Variants in RSU1 observed in about 807,000 individuals in gnomAD.
RSU1 encodes rsu-1.
RSU1 carries 26 observed loss-of-function variants against 31.1 expected under a neutral mutation model. The observed-to-expected ratio is 0.84, with a 90% CI of 0.61 to 1.16. RSU1 has a LOEUF of 1.16. Ranked by LOEUF, RSU1 falls within the 50% of genes most tolerant of loss-of-function variation. RSU1 has a pLI of 0.00. For synonymous variants in RSU1, 164 were observed against 136.3 expected (o/e 1.20, Z -1.41); for missense variants, 320 against 339.1 (o/e 0.94, Z 0.44).
At chr10:16,744,406 TC>T (rs2131613103) in intron 7 of RSU1, among the ~76,000 whole-genome samples, 1 of 152,064 alleles carries the variant, frequency 6.6e-6, no homozygotes, top group South Asian at 2.1e-4. Context: ...ATAAAAAAAA[TC>T]CCCAATGAAA....
intron 3 of RSU1, among the ~76,000 whole-genome samples, chr10:16,780,834 CAT>C (rs1837634342): frequency 6.6e-6 from 1 of 152,202 alleles, no homozygotes; most frequent in South Asian, 2.1e-4. Flanking sequence ...AATGACCACA[CAT>C]GACTTGTAGG....
At chr10:16,654,009 C>T (rs1834729222) in intron 8 of RSU1, among the ~76,000 whole-genome samples, 1 of 151,836 alleles carries the variant, frequency 6.6e-6, no homozygotes, top group Non-Finnish European at 1.5e-5. Context: ...ACTTCTTTTT[C>T]ATTTTTTTTT....
At chr10:16,704,642 A>G (rs973648288) in intron 7 of RSU1, among the ~76,000 whole-genome samples, 1 of 152,258 alleles carries the variant, frequency 6.6e-6, no homozygotes, top group African/African-American at 2.4e-5. Flanking sequence ...GAATTCTGTC[A>G]TCAGAATCAT....
intron 7 of RSU1, among the ~76,000 whole-genome samples, chr10:16,731,146 A>C (rs1019216584): frequency 3.6e-4 from 55 of 152,296 alleles, no homozygotes; most frequent in African/African-American, 1.3e-3. Context: ...TGCTATTATA[A>C]GTATTCTCGT....
At chr10:16,595,804 TA>T (rs903593561) in intron 8 of RSU1, among the ~76,000 whole-genome samples, 1 of 150,186 alleles carries the variant, frequency 6.7e-6, no homozygotes, top group Non-Finnish European at 1.5e-5. Context: ...CCATCTCTAC[TA>T]AAAAAAAGAA....
intron 7 of RSU1, among the ~76,000 whole-genome samples, chr10:16,705,535 G>C (rs896275236): frequency 6.6e-6 from 1 of 152,012 alleles, no homozygotes; most frequent in African/African-American, 2.4e-5. Context: ...TGTCACACAG[G>C]CTGGAGTGCA....
chr10:16,616,371 CAAAAAAAAAAA>C lies in RSU1; in HGVS notation c.732-22886_732-22876del, dbSNP rs529296931. On this transcript the variant is annotated intron_variant, in intron 8 of 8. Coordinates refer to ENST00000345264, the MANE Select transcript of RSU1 (RefSeq NM_012425.4). ...AGGCAGTAATTAATAGCCTACCAAC[CAAAAAAAAAAA>C]AAAAAAAAAAAAACCCCAGGACCAG... 6.6e-5 allele frequency among the ~76,000 whole-genome samples: 6 copies of C among 90,966 alleles called. No homozygotes were observed. In the South Asian group the frequency reaches 3.1e-3, roughly 47 times the overall value. 59.7% of individuals were successfully genotyped at this position (90,966 alleles called of 152,430 possible). A position where few individuals can be genotyped will look rare whatever the true frequency, so the allele number is the denominator to read the frequency against.
intron 4 of RSU1, among the ~76,000 whole-genome samples, chr10:16,762,676 G>C (rs1477074368): frequency 6.6e-6 from 1 of 152,256 alleles, no homozygotes; most frequent in East Asian, 1.9e-4. Flanking sequence ...CCTTGTGGGA[G>C]CAATAAACTA....
rs143267776 is a variant in RSU1, at chr10:16,621,383, T to C, written c.732-27887A>G. Among the ~76,000 whole-genome samples the C allele has an allele frequency of 3.7e-3, 556 of 152,280 alleles. 4 individuals carry two copies. Among genetic ancestry groups the C allele is most frequent in the African/African-American group, 0.013 (537 of 41,548 alleles). On this transcript the variant is annotated intron_variant, in intron 8 of 8. Transcript: ENST00000345264. The stretch of plus-strand genomic sequence containing the variant: ...ATTAACACTATGGACACTGGCTCTG[T>C]TTCCCGTACCCAGCCTCAGTCCCTG...
At chr10:16,673,669 G>C (rs1374182957) in intron 8 of RSU1, among the ~76,000 whole-genome samples, 5 of 152,174 alleles carry the variant, frequency 3.3e-5, no homozygotes, top group Non-Finnish European at 5.9e-5. Context: ...AAATGACGCA[G>C]GTGGAAGGAT....
chr10:16,799,062 G>T (rs776692765), intron 2 of RSU1, among the ~76,000 whole-genome samples: 1 of 152,086 alleles, frequency 6.6e-6, no homozygotes, highest in African/African-American at 2.4e-5. Context: ...CTCCTAATGC[G>T]CATAAAAGAT....
chr10:16,791,281 C>T (rs111830841), intron 2 of RSU1, among the ~76,000 whole-genome samples: 33,467 of 151,912 alleles, frequency 0.22, 3,821 homozygotes, highest in African/African-American at 0.26. Flanking sequence ...CCTGACTTGG[C>T]CTCCCAAAGT....
chr10:16,791,208 G>C (rs966951238), intron 2 of RSU1, among the ~76,000 whole-genome samples: 3 of 152,080 alleles, frequency 2.0e-5, no homozygotes, highest in Non-Finnish European at 4.4e-5. Context: ...TCTATGTTTA[G>C]TAGAGACAGG....
intron 4 of RSU1, among the ~76,000 whole-genome samples, chr10:16,758,309 C>T (rs1837137907): frequency 6.6e-6 from 1 of 152,206 alleles, no homozygotes; most frequent in Non-Finnish European, 1.5e-5. Flanking sequence ...TGGGTTCTCT[C>T]TCTGCAGAAT....
chr10:16,788,602 C>T (rs1380285173), intron 2 of RSU1, among the ~76,000 whole-genome samples: 1 of 152,152 alleles, frequency 6.6e-6, no homozygotes, highest in African/African-American at 2.4e-5. Context: ...TAAAAAACTT[C>T]TGTTGTTTAA....
chr10:16,593,557 T>A, intron 8 of RSU1, 61 bp from the exon 9 acceptor site: 3 of 1,274,410 alleles, frequency 2.4e-6, no homozygotes, highest in Non-Finnish European at 3.4e-6. Flanking sequence ...TAGCTTTCAC[T>A]GGAAGAGCTT....
chr10:16,735,761 T>C (rs1313887738), intron 7 of RSU1, among the ~76,000 whole-genome samples: 1 of 152,060 alleles, frequency 6.6e-6, no homozygotes, highest in Non-Finnish European at 1.5e-5. Context: ...TCAGAGCTTG[T>C]AAGAACTCAC....
intron 8 of RSU1, among the ~76,000 whole-genome samples, chr10:16,678,566 C>A (rs1835273309): frequency 2.0e-5 from 3 of 152,172 alleles, no homozygotes; most frequent in Non-Finnish European, 4.4e-5. Flanking sequence ...ATAGTGTAGA[C>A]AAAACCAGTT....
intron 8 of RSU1, among the ~76,000 whole-genome samples, chr10:16,647,569 A>AT (rs1182062452): frequency 1.3e-5 from 2 of 152,218 alleles, no homozygotes; most frequent in African/African-American, 4.8e-5. Flanking sequence ...ATAAAAAGGA[A>AT]TTAAGTACTA....
Sources: gnomAD v4.1 joint callset for allele counts (sites outside exome capture counted in the v4.1 genomes callset) on GRCh38, gnomAD v4.1.1 for gene constraint, MANE v1.5 for transcripts, NCBI Gene and HGNC (gene_info 2026-07-23, HGNC 2026-07-21) for gene names.